DPH7: variants seen among roughly 807,000 people sequenced by gnomAD.
DPH7 encodes the protein diphthamide biosynthesis 7.
DPH7 carries 44 observed loss-of-function variants against 41.7 expected under a neutral mutation model. The ratio of observed to expected loss-of-function variants is 1.05; its 90% confidence interval spans 0.83 to 1.36. The LOEUF is 1.36. Ranked by LOEUF, DPH7 falls within the 40% of genes most tolerant of loss-of-function variation. The probability of loss-of-function intolerance (pLI) is 0.00; values close to 1 mark genes in which losing one functional copy is unlikely to be tolerated. For synonymous variants in DPH7, 275 were observed against 238.0 expected (o/e 1.16, Z -1.43); for missense variants, 629 against 577.5 (o/e 1.09, Z -0.91).
At chr9:137,555,673 A>G in intron 8 of DPH7, 25 bp from the exon 9 acceptor site, 7 of 1,557,440 alleles carry the variant, frequency 4.5e-6, no homozygotes, top group Non-Finnish European at 6.1e-6. Flanking sequence ...GGGAGAACCC[A>G]GGAAACACAA....
chr9:137,574,391 G>A lies in DPH7; in HGVS notation c.468-11C>T. The A allele has an allele frequency of 6.2e-7, 1 of 1,609,252 alleles. No homozygotes were observed. The highest frequency in any genetic ancestry group is 8.5e-7 in the Non-Finnish European group (1 of 1,176,716). On this transcript the variant is annotated splice_polypyrimidine_tract_variant and intron_variant, in intron 4 of 8. Transcript: ENST00000277540. ...GGCTGGTCCCCGGCCCTAGACACAG[G>A]GAACCCATGAAGAAGCCCGGCAGAA...
chr9:137,564,074 C>T (rs1000098437), intron 8 of DPH7, among the ~76,000 whole-genome samples: 1 of 152,140 alleles, frequency 6.6e-6, no homozygotes, highest in Non-Finnish European at 1.5e-5. Context: ...AGAGTCCCAG[C>T]TGACCACAGG....
chr9:137,570,682 T>C (rs908097188), intron 5 of DPH7, among the ~76,000 whole-genome samples: 1 of 152,162 alleles, frequency 6.6e-6, no homozygotes, highest in African/African-American at 2.4e-5. Context: ...CCCTGGCCCA[T>C]TACCTCTGAT....
intron 8 of DPH7, among the ~76,000 whole-genome samples, chr9:137,557,460 G>T (rs898370320): frequency 5.9e-5 from 9 of 151,864 alleles, no homozygotes; most frequent in Non-Finnish European, 1.2e-4. Flanking sequence ...AGCCAAGATC[G>T]TGCCACTGCA....
At position 137,578,869 on chromosome 9, in the gene DPH7, C is replaced by A; in HGVS notation, c.-92G>T. The A allele has an allele frequency of 7.8e-7, 1 of 1,281,336 alleles. No homozygotes were observed. The highest frequency in any genetic ancestry group is 1.6e-5 in the African/African-American group (1 of 63,990). 79.4% of individuals were successfully genotyped at this position (1,281,336 alleles called of 1,614,324 possible). The stretch of plus-strand genomic sequence containing the variant: ...CGCGGGGCGGCGAGGCCGGGGCCGG[C>A]CGGACGAGCGCAGAGCCCCAGGGAC... On this transcript the variant is annotated 5_prime_UTR_variant, in exon 1 of 9. Coordinates refer to ENST00000277540, the MANE Select transcript of DPH7 (RefSeq NM_138778.5).
At chr9:137,571,256 G>A (rs928075305) in intron 5 of DPH7, among the ~76,000 whole-genome samples, 3 of 151,646 alleles carry the variant, frequency 2.0e-5, no homozygotes, top group African/African-American at 2.4e-5. Flanking sequence ...GTGCGATCTC[G>A]GCTCACTGCA....
rs1841097178 is a variant in DPH7, at chr9:137,574,823, T to C, written c.396A>G (p.Pro132=). The change falls in exon 4 of 9, where the codon CCA becomes CCG. Residue 132 remains proline, a synonymous_variant. Coordinates refer to ENST00000277540, the MANE Select transcript of DPH7 (RefSeq NM_138778.5). ...VESEKSHVLE[P]LSSLALEEQC... ...GCTCCTCCAGGGCAAGGCTGGACAA[T>C]GGCTCCAGCACGTGGCTCTTCTACT... The C allele has an allele frequency of 1.9e-6, 3 of 1,613,772 alleles. No individual in the cohort carries two copies. Among genetic ancestry groups the C allele is most frequent in the African/African-American group, 1.3e-5 (1 of 74,852 alleles).
In DPH7 at chr9:137,575,635, C is replaced by T. The variant is rs1399172255; in HGVS notation, c.375+445G>A. 3 of 1,010,678 alleles carry T rather than the reference C, an allele frequency of 3.0e-6. No homozygotes were observed. The East Asian group carries it at 2.7e-4, about 92-fold the overall frequency. 62.6% of individuals were successfully genotyped at this position (1,010,678 alleles called of 1,614,324 possible). ...CCCCGTTCTCCTCCCCGACAGCTAT[C>T]AGATGAAGTCACTTTGTTAATGCAT... On this transcript the variant is annotated intron_variant, in intron 3 of 8. Coordinates refer to ENST00000277540, the MANE Select transcript of DPH7 (RefSeq NM_138778.5).
At chr9:137,560,798 G>C (rs1292382242) in intron 8 of DPH7, among the ~76,000 whole-genome samples, 1 of 150,234 alleles carries the variant, frequency 6.7e-6, no homozygotes, top group East Asian at 1.9e-4. Context: ...GGAGCTTGCA[G>C]TGAGCCAAGA....
At chr9:137,578,500 T>C (rs1841838787) in intron 1 of DPH7, 125 bp downstream of exon 1, 3 of 1,148,564 alleles carry the variant, frequency 2.6e-6, no homozygotes, top group Non-Finnish European at 3.5e-6. Flanking sequence ...CTAAACTGTT[T>C]CCAGCCTACC....
chr9:137,573,594 AATGGCGTGAACCCAGG>A (rs1210156708), intron 5 of DPH7, among the ~76,000 whole-genome samples: 1 of 145,900 alleles, frequency 6.9e-6, no homozygotes, highest in Non-Finnish European at 1.5e-5. Context: ...GAGGCAGGAG[AATGGCGTGAACCCAGG>A]AGGCAAAGCT....
intron 5 of DPH7, among the ~76,000 whole-genome samples, chr9:137,573,289 A>G (rs1356713540): frequency 7.3e-6 from 1 of 137,758 alleles, no homozygotes; most frequent in Non-Finnish European, 1.5e-5. Flanking sequence ...TGAACCTGGG[A>G]GGCGGAGCTT....
Position 137,556,093 on chromosome 9 carries a change from C to G in DPH7, c.950-445G>C, listed in dbSNP as rs1046820806. On this transcript the variant is annotated intron_variant, in intron 8 of 8. Coordinates refer to ENST00000277540, the MANE Select transcript of DPH7 (RefSeq NM_138778.5). This position sits in a 1 kb window ranked among gnomAD's most constrained non-coding sequence, Gnocchi z 5.2. ...CACAAACAGGCAGCCATGGCACTGT[C>G]AGTGAGTGACAGTGGGCTGGAGCGT... Among the ~76,000 whole-genome samples the G allele has an allele frequency of 6.6e-6, 1 of 152,200 alleles. No homozygotes were observed. The highest frequency in any genetic ancestry group is 6.5e-5 in the Admixed American group (1 of 15,276).
At position 137,576,146 on chromosome 9, in the gene DPH7, T is replaced by C. The variant is rs1176913155; in HGVS notation, c.309A>G (p.Gly103=). The change falls in exon 3 of 9, where the codon GGA becomes GGG. Residue 103 remains glycine (G), a synonymous_variant. Transcript: ENST00000277540. ...DMKWCHIPVA[G]HALLGLADAS... ...CATCTGCCAAGCCCAAGAGGGCATG[T>C]CCAGCCACCGGGATGTGACACCTGA... 1 of 1,613,806 alleles carries C rather than the reference T, an allele frequency of 6.2e-7. No homozygotes were observed. Among genetic ancestry groups the C allele is most frequent in the East Asian group, 2.2e-5 (1 of 44,884 alleles).
chr9:137,568,808 G>A (rs570748332), intron 5 of DPH7, among the ~76,000 whole-genome samples: 2 of 152,132 alleles, frequency 1.3e-5, no homozygotes, highest in Non-Finnish European at 2.9e-5. Context: ...AGGTGCAGGC[G>A]ACCATTGTTC....
chr9:137,564,489 G>A lies in DPH7; in HGVS notation c.894C>T (p.Leu298=). 2 of 1,614,134 alleles carry A rather than the reference G, an allele frequency of 1.2e-6. No individual in the cohort carries two copies. The highest frequency in any genetic ancestry group is 1.1e-5 in the South Asian group (1 of 91,086). ...AGCCACTGTGCATGCAGGCGGCCAG[G>A]AGCAGGTGGTGGTGGAAAGGGTGCC... ...IKWHPFHHHL[L]LAACMHSGFK... The change falls in exon 8 of 9, where the codon CTC becomes CTT. Residue 298 remains leucine, a synonymous_variant. Coordinates refer to ENST00000277540, the MANE Select transcript of DPH7 (RefSeq NM_138778.5).
chr9:137,564,165 G>A lies in DPH7; in HGVS notation c.949+269C>T, dbSNP rs183119045. Among the ~76,000 whole-genome samples the A allele has an allele frequency of 3.2e-3, 480 of 152,244 alleles. 3 individuals carry two copies. The highest frequency in any genetic ancestry group is 0.014 in the Middle Eastern group (4 of 294). On this transcript the variant is annotated intron_variant, in intron 8 of 8. Coordinates refer to ENST00000277540, the MANE Select transcript of DPH7 (RefSeq NM_138778.5). ...AAGCCTCCAGACTAGAGGTCCCAGT[G>A]GGGTCAGAGGTCTGCCGAAATGCAG...
intron 8 of DPH7, among the ~76,000 whole-genome samples, chr9:137,561,996 C>T (rs539298389): frequency 1.3e-3 from 194 of 152,292 alleles, no homozygotes; most frequent in African/African-American, 4.5e-3. Flanking sequence ...TCCCAAGTAG[C>T]TGGGACTGCA....
At chr9:137,557,502 C>T (rs1374646198) in intron 8 of DPH7, among the ~76,000 whole-genome samples, 3 of 150,050 alleles carry the variant, frequency 2.0e-5, no homozygotes, top group Non-Finnish European at 4.4e-5. Context: ...AAGACTCTGT[C>T]TCAAAAAAAA....
Sources: allele counts gnomAD v4.1 joint callset (sites outside exome capture counted in the v4.1 genomes callset), GRCh38; gene constraint gnomAD v4.1.1; non-coding constraint Gnocchi (gnomAD v3.1); transcripts MANE v1.5; gene names NCBI Gene and HGNC (gene_info 2026-07-23, HGNC 2026-07-21).